Variants in CMTR2 observed in about 807,000 individuals in gnomAD.
CMTR2 encodes the protein cap-specific mRNA (nucleoside-2'-O-)-methyltransferase 2.
A neutral mutation model predicts 49.8 loss-of-function variants in CMTR2; 40 were observed. The ratio of observed to expected loss-of-function variants is 0.80; its 90% CI spans 0.62 to 1.04. The LOEUF (loss-of-function observed/expected upper bound fraction) is 1.04, where lower values mean the gene tolerates loss of function less well. CMTR2 is among the 50% of genes least tolerant of loss of function. CMTR2 has a pLI of 0.00. For missense variants in CMTR2, 907 were observed against 897.2 expected (o/e 1.01, Z -0.14); for synonymous variants, 326 against 315.8 (o/e 1.03, Z -0.34).
chr16:71,289,714 T>G (rs2041806672), upstream of CMTR2: 2 of 152,048 alleles, frequency 1.3e-5, no homozygotes, highest in African/African-American at 4.8e-5. Flanking sequence ...CTGGTTCCGC[T>G]CACTGGCTGC....
chr16:71,285,858 ATCTGG>A lies in CMTR2; in HGVS notation c.58_62del (p.Pro20TyrfsTer4). 1 of 1,613,720 alleles carries A rather than the reference ATCTGG, an allele frequency of 6.2e-7. No individual in the cohort carries two copies. The highest frequency in any genetic ancestry group is 8.5e-7 in the Non-Finnish European group (1 of 1,179,874). On this transcript the variant is annotated frameshift_variant, in exon 3 of 3. Coordinates refer to ENST00000434935, the MANE Select transcript of CMTR2 (RefSeq NM_018348.6). LOFTEE classifies it high-confidence loss of function. ...AGAGTTCAAAAATGTCAGCAAGAATATCTGGGCTGAATGACGCGGGACTTGCTAGC... is the reference window on the plus strand; with the variant it reads ...AGAGTTCAAAAATGTCAGCAAGAATAGCTGAATGACGCGGGACTTGCTAGC...
In CMTR2 at chr16:71,285,873, C is replaced by A. The variant is rs773678121; in HGVS notation, c.48G>T (p.Ala16=). ...KTPVQQLASP[A]SFSPDILADI... ...CAGCAAGAATATCTGGGCTGAATGA[C>A]GCGGGACTTGCTAGCTGCTGAACTG... The change falls in exon 3 of 3, where the codon GCG becomes GCT. Residue 16 remains alanine (A), a synonymous_variant. Coordinates refer to ENST00000434935, the MANE Select transcript of CMTR2 (RefSeq NM_018348.6). 27 of 1,609,956 alleles carry A rather than the reference C, an allele frequency of 1.7e-5. No homozygotes were observed. Among genetic ancestry groups the A allele is most frequent in the Non-Finnish European group, 2.3e-5 (27 of 1,178,384 alleles).
rs2041663452 is a variant in CMTR2, at chr16:71,284,023, G to C, written c.1898C>G (p.Ser633Ter). 6.2e-7 allele frequency: 1 copy of C among 1,613,924 alleles called. No homozygotes were observed. The highest frequency in any genetic ancestry group is 1.7e-5 in the Admixed American group (1 of 60,016). The change falls in exon 3 of 3, where the codon TCA (serine) becomes TGA (stop). Residue 633 changes from serine to a stop codon, truncating the protein, a stop_gained. Transcript: ENST00000434935. LOFTEE classifies it high-confidence loss of function. ...QRLFLDCLLH[S>*]LRELHTGDVM... ...ATCTCCTGTATGAAGCTCCCGCAAT[G>C]AATGTAGAAGGCAGTCCAAAAATAA...
At position 71,285,511 on chromosome 16, in the gene CMTR2, T is replaced by C. The variant is rs763944094; in HGVS notation, c.410A>G (p.Lys137Arg). Residue 137 changes from lysine (K) to arginine (R), a missense_variant, in exon 3 of 3, where the codon AAA becomes AGA. Coordinates refer to ENST00000434935, the MANE Select transcript of CMTR2 (RefSeq NM_018348.6). ...TTCACAAAGGTGTAGAGAATTCAGT[T>C]TTCCATTCTGAAAAGCTTCCTGTGG... ...LIPQEAFQNG[K>R]LNSLHLCEAP... is the part of the protein sequence containing the mutation. The C allele has an allele frequency of 2.5e-6, 4 of 1,613,922 alleles. No individual in the cohort carries two copies. The South Asian group carries it at 4.4e-5, about 18-fold the overall frequency.
chr16:71,284,056 T>C lies in CMTR2; in HGVS notation c.1865A>G (p.Tyr622Cys), dbSNP rs764695090. 2.5e-6 allele frequency: 4 copies of C among 1,613,928 alleles called. No individual in the cohort carries two copies. Among genetic ancestry groups the C allele is most frequent in the Non-Finnish European group, 2.5e-6 (3 of 1,179,950 alleles). Reference protein sequence around the residue: ...CSLLHDGDPTYQRLFLDCLLH... With the variant: ...CSLLHDGDPTCQRLFLDCLLH... Reference sequence around the variant, plus strand: ...AAGGCAGTCCAAAAATAAACGCTGGTAAGTTGGATCTCCATCATGAAGCAA... The same window carrying C: ...AAGGCAGTCCAAAAATAAACGCTGGCAAGTTGGATCTCCATCATGAAGCAA... The change falls in exon 3 of 3, where the codon TAC becomes TGC. Residue 622 changes from tyrosine to cysteine, a missense_variant. Physicochemically the swap from Tyr to Cys is radical, Grantham distance 194. Coordinates refer to ENST00000434935, the MANE Select transcript of CMTR2 (RefSeq NM_018348.6).
At position 71,283,704 on chromosome 16, in the gene CMTR2, C is replaced by CA. The variant is rs1311148342; in HGVS notation, c.2216dup (p.Leu739PhefsTer10). ...TAGCAATGGCAGCATTCAAATCCCA[C>CA]AAAAAATCAAGCAGGGCCCCCTTAA... On this transcript the variant is annotated frameshift_variant, in exon 3 of 3. Coordinates refer to ENST00000434935, the MANE Select transcript of CMTR2 (RefSeq NM_018348.6). LOFTEE classifies it high-confidence loss of function. 2.5e-6 allele frequency: 4 copies of CA among 1,613,928 alleles called. No individual in the cohort carries two copies. Among genetic ancestry groups the CA allele is most frequent in the South Asian group, 1.1e-5 (1 of 91,072 alleles).
rs2041654902 is a variant in CMTR2, at chr16:71,283,741, A to G, written c.2180T>C (p.Met727Thr). 2.5e-6 allele frequency: 4 copies of G among 1,613,886 alleles called. No individual in the cohort carries two copies. The South Asian group carries it at 4.4e-5, about 18-fold the overall frequency. ...CAGGGCCCCCTTAAGGAGTACCTCC[A>G]TTGGCACAAACTGTAAAACCTGCTG... ...SPQQVLQFVP[M>T]EVLLKGALLD... Residue 727 changes from methionine (M) to threonine (T), a missense_variant, in exon 3 of 3, where the codon ATG (methionine) becomes ACG (threonine). By Grantham distance (81) the Met-to-Thr change is moderately conservative. Transcript: ENST00000434935.
chr16:71,283,673 G>T lies in CMTR2; in HGVS notation c.2248C>A (p.His750Asn). ...WDLNAAIAKR[H>N]LHFIIQRERE... is the part of the protein sequence containing the mutation. ...TCTCTTTGAATAATGAAATGCAAAT[G>T]CCTTTTAGCAATGGCAGCATTCAAA... The change falls in exon 3 of 3, where the codon CAT (histidine) becomes AAT (asparagine). Residue 750 changes from histidine (H) to asparagine (N), a missense_variant. By Grantham distance (68) the His-to-Asn change is moderately conservative. Coordinates refer to ENST00000434935, the MANE Select transcript of CMTR2 (RefSeq NM_018348.6). 6.2e-7 allele frequency: 1 copy of T among 1,613,778 alleles called. No homozygotes were observed. The highest frequency in any genetic ancestry group is 8.5e-7 in the Non-Finnish European group (1 of 1,179,830).
rs781006136 is a variant in CMTR2, at chr16:71,284,910, A to C, written c.1011T>G (p.Phe337Leu). ...HPLLSKMTLN[F>L]GTEMKRKALF... is the part of the protein sequence containing the mutation. ...GGGCTTTCCTTTTCATTTCAGTCCC[A>C]AAATTCAAGGTCATCTTAGATAACA... The change falls in exon 3 of 3, where the codon TTT (phenylalanine) becomes TTG (leucine). Residue 337 changes from phenylalanine to leucine, a missense_variant. Phe to Leu is a conservative substitution (Grantham distance 22). Transcript: ENST00000434935. 6 of 1,614,022 alleles carry C rather than the reference A, an allele frequency of 3.7e-6. No individual in the cohort carries two copies. Among genetic ancestry groups the C allele is most frequent in the African/African-American group, 2.7e-5 (2 of 74,938 alleles).
intron 2 of CMTR2, chr16:71,288,504 C>T (rs769320895): frequency 3.9e-5 from 6 of 152,226 alleles, no homozygotes; most frequent in South Asian, 4.2e-4. Context: ...TGGACATTGC[C>T]TGGTACACAG....
chr16:71,286,701 T>C (rs1882853220), intron 2 of CMTR2: 1 of 151,958 alleles, frequency 6.6e-6, no homozygotes, highest in African/African-American at 2.4e-5. Flanking sequence ...TTCTGCTTGA[T>C]GCTGAAAGTG....
Position 71,284,875 on chromosome 16 carries a change from T to C in CMTR2, c.1046A>G (p.His349Arg), listed in dbSNP as rs1323817370. ...AAGAAAAGAATCAGGAATCACATGA[T>C]GGGGAAAAAGGGCTTTCCTTTTCAT... ...TEMKRKALFP[H>R]HVIPDSFLKR... The change falls in exon 3 of 3, where the codon CAT (histidine) becomes CGT (arginine). Residue 349 changes from histidine to arginine, a missense_variant. Physicochemically the swap from His to Arg is conservative, Grantham distance 29 (BLOSUM62 0). Coordinates refer to ENST00000434935, the MANE Select transcript of CMTR2 (RefSeq NM_018348.6). 1 of 1,613,824 alleles carries C rather than the reference T, an allele frequency of 6.2e-7. No homozygotes were observed. The highest frequency in any genetic ancestry group is 1.3e-5 in the African/African-American group (1 of 74,926).
Position 71,284,783 on chromosome 16 carries a change from G to T in CMTR2, c.1138C>A (p.Arg380Ser). The T allele has an allele frequency of 6.2e-7, 1 of 1,613,592 alleles. No homozygotes were observed. The highest frequency in any genetic ancestry group is 8.5e-7 in the Non-Finnish European group (1 of 1,179,870). The change falls in exon 3 of 3, where the codon CGT (arginine) becomes AGT (serine). Residue 380 changes from arginine to serine, a missense_variant. Physicochemically the swap from Arg to Ser is moderately radical, Grantham distance 110. Coordinates refer to ENST00000434935, the MANE Select transcript of CMTR2 (RefSeq NM_018348.6). ...YQLETISENI[R>S]LFECMGKAEQ... ...GCCTTTCCCATGCACTCAAATAGAC[G>T]AATGTTTTCAGAAATAGTCTCTAGC...
In CMTR2 at chr16:71,283,107, G is replaced by A. The variant is rs1051434835; in HGVS notation, c.*501C>T. The A allele has an allele frequency of 6.5e-6, 1 of 153,076 alleles. No homozygotes were observed. Among genetic ancestry groups the A allele is most frequent in the South Asian group, 2.1e-4 (1 of 4,852 alleles). 9.5% of individuals were successfully genotyped at this position (153,076 alleles called of 1,614,324 possible). A position where few individuals can be genotyped will look rare whatever the true frequency, so the allele number is the denominator to read the frequency against. ...TGAAATTCATAACTGATGTGTTAAC[G>A]GAAATCAGTGTTGCTGAACAGTGAT... On this transcript the variant is annotated 3_prime_UTR_variant, in exon 3 of 3. Transcript: ENST00000434935.
At position 71,284,268 on chromosome 16, in the gene CMTR2, A is replaced by G. The variant is rs1309636686; in HGVS notation, c.1653T>C (p.Ser551=). The G allele has an allele frequency of 5.6e-6, 9 of 1,614,000 alleles. No individual in the cohort carries two copies. The Admixed American group carries it at 6.7e-5, about 12-fold the overall frequency. ...QQYSCSCHVF[S]EELIFSELCS... ...ACAACTCGGAAAATATCAGTTCTTCAGAAAAAACATGACAAGAACAAGAAT... is the reference window on the plus strand; with the variant it reads ...ACAACTCGGAAAATATCAGTTCTTCGGAAAAAACATGACAAGAACAAGAAT... Residue 551 remains serine (S), a synonymous_variant, in exon 3 of 3, where the codon TCT becomes TCC. Transcript: ENST00000434935.
Position 71,283,976 on chromosome 16 carries a change from A to G in CMTR2, c.1945T>C (p.Ser649Pro), listed in dbSNP as rs1239946769. The G allele has an allele frequency of 3.7e-6, 6 of 1,613,980 alleles. No individual in the cohort carries two copies. In the African/African-American group the frequency reaches 6.7e-5, roughly 18 times the overall value. ...CCAGCCATAAATCTTGTGAAGCAAG[A>G]AAGTACAGGCAAAATCATAACATCT... ...TGDVMILPVL[S>P]CFTRFMAGLI... is the part of the protein sequence containing the mutation. Residue 649 changes from serine (S) to proline (P), a missense_variant, in exon 3 of 3, where the codon TCT (serine) becomes CCT (proline). By Grantham distance (74) the Ser-to-Pro change is moderately conservative (BLOSUM62 -1). Transcript: ENST00000434935.
chr16:71,283,605 T>C lies in CMTR2; in HGVS notation c.*3A>G, dbSNP rs368080542. 6 of 1,600,660 alleles carry C rather than the reference T, an allele frequency of 3.7e-6. No homozygotes were observed. The highest frequency in any genetic ancestry group is 1.3e-5 in the African/African-American group (1 of 74,154). ...ATAAAGTTGAATCTCAGAAAGCATA[T>C]GTTCAGTTTTGTAACTGAAGGCTGT... On this transcript the variant is annotated 3_prime_UTR_variant, in exon 3 of 3. Transcript: ENST00000434935.
intron 2 of CMTR2, chr16:71,286,444 CGTT>C (rs1296606051): frequency 1.9e-3 from 277 of 145,666 alleles, no homozygotes; most frequent in Non-Finnish European, 3.1e-3. Flanking sequence ...TGTGACTTTT[CGTT>C]TTTTTTTTTT....
upstream of CMTR2, chr16:71,289,663 A>AGGGGGGGGGGGGGGGGGGG (rs1259857977): frequency 8.5e-5 from 1 of 11,752 alleles, no homozygotes; most frequent in Non-Finnish European, 1.6e-4. Flanking sequence ...GGGGAGGGGG[A>AGGGGGGGGGGGGGGGGGGG]GGGAGGGAAG....
Sources: gnomAD v4.1 joint callset for allele counts on GRCh38, gnomAD v4.1.1 for gene constraint, MANE v1.5 for transcripts, NCBI Gene and HGNC (gene_info 2026-07-23, HGNC 2026-07-21) for gene names.